The following MYO1E variants were observed in gnomAD, a reference collection of about 807,000 sequenced individuals.
MYO1E encodes the protein myosin IE, also known as unconventional myosin-Ie.
A neutral mutation model predicts 151.1 loss-of-function variants in MYO1E; 68 were observed. The observed-to-expected ratio is 0.45, with a 90% CI of 0.37 to 0.55. The LOEUF is 0.55. MYO1E is among the 20% of genes least tolerant of loss of function. MYO1E has a pLI of 0.00. For synonymous variants in MYO1E, 601 were observed against 501.7 expected, an observed-to-expected ratio of 1.20 and a Z score of -2.64; for missense variants, 1,363 against 1,389.3, an observed-to-expected ratio of 0.98 and a Z score of 0.30.
At chr15:59,214,786 G>C (rs1236542891) in intron 10 of MYO1E, 66 bp from the exon 11 acceptor site, 6 of 1,257,550 alleles carry the variant, frequency 4.8e-6, no homozygotes, top group Non-Finnish European at 7.0e-6. Context: ...GCATGCACTG[G>C]GGAAAGGGAA....
At chr15:59,263,279 T>C (rs1321503703) in intron 2 of MYO1E, among the ~76,000 whole-genome samples, 1 of 152,192 alleles carries the variant, frequency 6.6e-6, no homozygotes, top group South Asian at 2.1e-4. Flanking sequence ...GGAGATAAAA[T>C]AGGACCTACC....
At chr15:59,344,407 G>C (rs542455234) in intron 1 of MYO1E, among the ~76,000 whole-genome samples, 2 of 152,324 alleles carry the variant, frequency 1.3e-5, no homozygotes, top group East Asian at 3.9e-4. Flanking sequence ...GTGGAGCTAG[G>C]GGAAGGGTGA....
Position 59,208,603 on chromosome 15 carries a change from T to C in MYO1E, c.1530+78A>G, listed in dbSNP as rs1201268155. ...AATCAATAAAATACGGCGAGCCATA[T>C]GATTTGCTTCATGAGAAACCAGATC... On this transcript the variant is annotated intron_variant, in intron 14 of 27. Coordinates refer to ENST00000288235, the MANE Select transcript of MYO1E (RefSeq NM_004998.4). 4 of 1,534,834 alleles carry C rather than the reference T, an allele frequency of 2.6e-6. No homozygotes were observed. The Admixed American group carries it at 5.0e-5, about 19-fold the overall frequency.
chr15:59,187,046 T>C (rs573362876), intron 18 of MYO1E, among the ~76,000 whole-genome samples: 1 of 152,348 alleles, frequency 6.6e-6, no homozygotes, highest in East Asian at 1.9e-4. Context: ...TTGTCTTAAG[T>C]GGGTTAAACA....
At chr15:59,237,082 A>G (rs1159351088) in intron 4 of MYO1E, among the ~76,000 whole-genome samples, 1 of 152,236 alleles carries the variant, frequency 6.6e-6, no homozygotes, top group African/African-American at 2.4e-5. Context: ...CAAGTTATAT[A>G]CAAAACATGA....
intron 10 of MYO1E, among the ~76,000 whole-genome samples, chr15:59,216,241 T>TG (rs1278115794): frequency 6.6e-6 from 1 of 152,110 alleles, no homozygotes; most frequent in East Asian, 1.9e-4. Flanking sequence ...ATCTAGGGCC[T>TG]CCTAGATCAC....
At chr15:59,201,868 C>G (rs111951366) in intron 16 of MYO1E, among the ~76,000 whole-genome samples, 1 of 152,144 alleles carries the variant, frequency 6.6e-6, no homozygotes, top group Non-Finnish European at 1.5e-5. Context: ...AAGGAGAGGC[C>G]TGTAGGACCC....
chr15:59,372,714 A>C lies in MYO1E; in HGVS notation c.-214T>G, dbSNP rs1389366507. 3.3e-6 allele frequency: 2 copies of C among 598,584 alleles called. No individual in the cohort carries two copies. The highest frequency in any genetic ancestry group is 3.9e-5 in the African/African-American group (2 of 51,528). 37.1% of individuals were successfully genotyped at this position (598,584 alleles called of 1,614,324 possible). A position where few individuals can be genotyped will look rare whatever the true frequency, so the allele number is the denominator to read the frequency against. On this transcript the variant is annotated 5_prime_UTR_variant, in exon 1 of 28. The change abolishes the stop of an existing upstream ORF in the 5' untranslated region. Coordinates refer to ENST00000288235, the MANE Select transcript of MYO1E (RefSeq NM_004998.4). ...GGTGAGGGCGAGACGGCGGCGACTT[A>C]GCAGGCGGGGCGCATGCTGCGGAGG...
intron 17 of MYO1E, among the ~76,000 whole-genome samples, chr15:59,189,085 A>G (rs1263166832): frequency 6.6e-6 from 1 of 152,122 alleles, no homozygotes; most frequent in East Asian, 1.9e-4. Flanking sequence ...TTTTTGATAC[A>G]GGGTCTCACT....
chr15:59,302,846 C>A (rs1345546194), intron 1 of MYO1E, among the ~76,000 whole-genome samples: 1 of 152,116 alleles, frequency 6.6e-6, no homozygotes, highest in Non-Finnish European at 1.5e-5. Context: ...AATTTAGAAG[C>A]TAAAAATGGC....
intron 4 of MYO1E, among the ~76,000 whole-genome samples, chr15:59,254,975 A>G (rs1165942694): frequency 6.6e-6 from 1 of 151,910 alleles, no homozygotes; most frequent in African/African-American, 2.4e-5. Context: ...ACAGGCATGT[A>G]CCACCACACC....
At position 59,290,999 on chromosome 15, in the gene MYO1E, T is replaced by C. The variant is rs553414117; in HGVS notation, c.4-18550A>G. ...AAAGAGTGTGCTCACACAATTAAAG[T>C]ACAAGACGGCATGCTCGATTTGGGG... On this transcript the variant is annotated intron_variant, in intron 1 of 27. Transcript: ENST00000288235. Among the ~76,000 whole-genome samples the C allele has an allele frequency of 5.9e-5, 9 of 152,134 alleles. No individual in the cohort carries two copies. The South Asian group carries it at 1.9e-3, about 32-fold the overall frequency.
intron 13 of MYO1E, among the ~76,000 whole-genome samples, chr15:59,209,446 G>GGGC (rs1453537294): frequency 7.6e-6 from 1 of 131,482 alleles, no homozygotes; most frequent in Non-Finnish European, 1.6e-5. Context: ...AGGAGGCCGA[G>GGGC]GGGGGTGGAT....
At chr15:59,252,085 C>CA (rs1480587077) in intron 4 of MYO1E, among the ~76,000 whole-genome samples, 1 of 151,964 alleles carries the variant, frequency 6.6e-6, no homozygotes, top group African/African-American at 2.4e-5. Context: ...AAATGGGATA[C>CA]AAAAATTAAA....
intron 1 of MYO1E, among the ~76,000 whole-genome samples, chr15:59,357,458 T>C (rs1468512328): frequency 4.5e-4 from 66 of 145,818 alleles, no homozygotes; most frequent in African/African-American, 1.7e-3. Flanking sequence ...CGAGTCTCAC[T>C]CTGTCGCCCA....
chr15:59,218,871 A>G (rs2079936293), intron 9 of MYO1E, among the ~76,000 whole-genome samples: 1 of 152,220 alleles, frequency 6.6e-6, no homozygotes, highest in Admixed American at 6.5e-5. Context: ...TGTGGGAGAC[A>G]TGATCAAGAC....
In MYO1E at chr15:59,135,409, G is replaced by C. The variant is rs1229687090; in HGVS notation, c.*1971C>G. ...GCCCTGAGAACGCAGCCTGAGTGCT[G>C]GTGGCTGTGGGGACTCCAGCATGCT... On this transcript the variant is annotated 3_prime_UTR_variant, in exon 28 of 28. Transcript: ENST00000288235. The C allele has an allele frequency of 6.6e-6, 1 of 152,288 alleles. No individual in the cohort carries two copies. The highest frequency in any genetic ancestry group is 1.9e-4 in the East Asian group (1 of 5,188). The allele number at this position is 152,288 out of a possible 1,614,324, so 9.4% of individuals were successfully genotyped here.
In MYO1E at chr15:59,133,517, G is replaced by C. The variant is rs2079355867; in HGVS notation, c.*3863C>G. ...GCTCAGAGTGGAAAGGTATGATCTAGTAGGGAAAAAGACATCAAGATTAGT... is the reference window on the plus strand; with the variant it reads ...GCTCAGAGTGGAAAGGTATGATCTACTAGGGAAAAAGACATCAAGATTAGT... On this transcript the variant is annotated 3_prime_UTR_variant, in exon 28 of 28. Coordinates refer to ENST00000288235, the MANE Select transcript of MYO1E (RefSeq NM_004998.4). The C allele has an allele frequency of 6.6e-6, 1 of 151,794 alleles. No individual in the cohort carries two copies. The highest frequency in any genetic ancestry group is 1.5e-5 in the Non-Finnish European group (1 of 68,002). 9.4% of individuals were successfully genotyped at this position (151,794 alleles called of 1,614,324 possible). A position where few individuals can be genotyped will look rare whatever the true frequency, so the allele number is the denominator to read the frequency against.
At position 59,265,859 on chromosome 15, in the gene MYO1E, T is replaced by C. The variant is rs192315875; in HGVS notation, c.148-4350A>G. Among the ~76,000 whole-genome samples the C allele has an allele frequency of 4.6e-3, 690 of 150,310 alleles. 7 individuals carry two copies. Among genetic ancestry groups the C allele is most frequent in the African/African-American group, 0.016 (651 of 40,772 alleles). On this transcript the variant is annotated intron_variant, in intron 2 of 27. Coordinates refer to ENST00000288235, the MANE Select transcript of MYO1E (RefSeq NM_004998.4). ...GTCTTCACATGTAGTCCCAGCTACT[T>C]GGGAGGCTGAGGTGGGAGGATCACT... is the stretch of plus-strand genomic sequence containing the variant.
Sources: gnomAD v4.1 joint callset for allele counts (sites outside exome capture counted in the v4.1 genomes callset) on GRCh38, gnomAD v4.1.1 for gene constraint, MANE v1.5 for transcripts, NCBI Gene and HGNC (gene_info 2026-07-23, HGNC 2026-07-21) for gene names.